Variants in CMYA5 observed in about 807,000 individuals in gnomAD.
The protein encoded by CMYA5 is cardiomyopathy associated 5, also known as cardiomyopathy-associated protein 5.
CMYA5 carries 246 observed loss-of-function variants against 318.9 expected under a neutral mutation model. The ratio of observed to expected loss-of-function variants is 0.77; its 90% CI spans 0.70 to 0.86. The LOEUF (loss-of-function observed/expected upper bound fraction) is 0.86, where lower values mean the gene tolerates loss of function less well. Among genes scored for constraint, CMYA5 ranks in the 40% least tolerant of loss-of-function variants. CMYA5 has a pLI of 0.00. For missense variants in CMYA5, 4,589 were observed against 4,678.2 expected, an observed-to-expected ratio of 0.98 and a Z score of 0.56; for synonymous variants, 1,641 against 1,729.5, an observed-to-expected ratio of 0.95 and a Z score of 1.27.
Position 79,745,390 on chromosome 5 carries a change from G to A in CMYA5, c.10903G>A (p.Ala3635Thr), listed in dbSNP as rs1348347054. The part of the protein sequence containing the change: ...MVHFLQSMDT[A>T]KDTLETIVRE... ...CCACTTTCTGCAGAGCATGGACACT[G>A]CCAAAGACACCCTGGAGACCATCGT... is the stretch of plus-strand genomic sequence containing the variant. The change falls in exon 4 of 13, where the codon GCC becomes ACC. Residue 3635 changes from alanine (A) to threonine (T), a missense_variant. By Grantham distance (58) the Ala-to-Thr change is moderately conservative. Transcript: ENST00000446378. The A allele has an allele frequency of 6.2e-7, 1 of 1,614,000 alleles. No homozygotes were observed. Among genetic ancestry groups the A allele is most frequent in the East Asian group, 2.2e-5 (1 of 44,876 alleles).
At chr5:79,720,691 C>T (rs1051276966) in intron 1 of CMYA5, among the ~76,000 whole-genome samples, 1 of 152,094 alleles carries the variant, frequency 6.6e-6, no homozygotes, top group Non-Finnish European at 1.5e-5. Context: ...TGGCCTCGGC[C>T]TCCCAAAGTG....
intron 12 of CMYA5, among the ~76,000 whole-genome samples, chr5:79,797,856 C>A (rs1210241384): frequency 2.6e-5 from 4 of 152,192 alleles, no homozygotes; most frequent in African/African-American, 7.2e-5. Context: ...ACCATCACTG[C>A]TGCTGCCCTT....
chr5:79,756,116 A>G (rs895941911), intron 6 of CMYA5, among the ~76,000 whole-genome samples: 10 of 127,062 alleles, frequency 7.9e-5, no homozygotes, highest in African/African-American at 2.8e-4. Flanking sequence ...ATGAAAATTT[A>G]CTGAACTACA....
chr5:79,734,903 A>G lies in CMYA5; in HGVS notation c.6138A>G (p.Arg2046=). 3.7e-6 allele frequency: 6 copies of G among 1,613,844 alleles called. No homozygotes were observed. Among genetic ancestry groups the G allele is most frequent in the Non-Finnish European group, 5.1e-6 (6 of 1,179,808 alleles). ...SQEKIKLPPE[R]FFQKPVSGLS... is the part of the protein sequence containing the mutation. Reference sequence around the variant, plus strand: ...AAAAAATTAAACTACCTCCTGAAAGATTCTTCCAGAAACCAGTGTCTGGCC... The same window carrying G: ...AAAAAATTAAACTACCTCCTGAAAGGTTCTTCCAGAAACCAGTGTCTGGCC... Residue 2046 remains arginine (R), a synonymous_variant, in exon 2 of 13, where the codon AGA becomes AGG. Coordinates refer to ENST00000446378, the MANE Select transcript of CMYA5 (RefSeq NM_153610.5).
rs1262416217 is a variant in CMYA5, at chr5:79,758,842, G to A, written c.11200G>A (p.Val3734Ile). Residue 3734 changes from valine to isoleucine, a missense_variant, in exon 7 of 13, where the codon GTC (valine) becomes ATC (isoleucine). Transcript: ENST00000446378. ...AVYWSMNKED[V>I]IDSFQVYCME... ...TTACTGGAGCATGAACAAGGAAGATGTCATTGATTCATTTCAGGTTTACTG... is the reference window on the plus strand; with the variant it reads ...TTACTGGAGCATGAACAAGGAAGATATCATTGATTCATTTCAGGTTTACTG... 2.5e-6 allele frequency: 4 copies of A among 1,606,258 alleles called. No individual in the cohort carries two copies. The highest frequency in any genetic ancestry group is 3.4e-6 in the Non-Finnish European group (4 of 1,176,456).
chr5:79,770,974 C>A (rs941377185), intron 9 of CMYA5, among the ~76,000 whole-genome samples: 1 of 147,138 alleles, frequency 6.8e-6, no homozygotes, highest in Non-Finnish European at 1.5e-5. Flanking sequence ...GTTCAAGAAA[C>A]AACATCTCTT....
chr5:79,763,104 G>T lies in CMYA5; in HGVS notation c.11450G>T (p.Cys3817Phe), dbSNP rs763885418. ...ATCCGCGCTGAGGACTGTACTGTGT[G>T]TTGGAACACAGCCACTATCCGATGG... ...PVIRAEDCTV[C>F]WNTATIRWRP... The change falls in exon 9 of 13, where the codon TGT (cysteine) becomes TTT (phenylalanine). Residue 3817 changes from cysteine to phenylalanine, a missense_variant. This residue lies in a region of CMYA5 where 2,431 missense variants were observed against 2,495.1 expected (regional missense o/e 0.97). Coordinates refer to ENST00000446378, the MANE Select transcript of CMYA5 (RefSeq NM_153610.5). 5.0e-6 allele frequency: 8 copies of T among 1,613,694 alleles called. 1 individual carries two copies. The African/African-American group carries it at 8.0e-5, about 16-fold the overall frequency.
At chr5:79,760,982 G>A (rs986113895) in intron 7 of CMYA5, among the ~76,000 whole-genome samples, 12 of 152,140 alleles carry the variant, frequency 7.9e-5, no homozygotes, top group Non-Finnish European at 1.8e-4. Flanking sequence ...GGGTTCTTAA[G>A]TGGAAAAGTT....
At chr5:79,743,965 A>G (rs1334127343) in intron 3 of CMYA5, 43 bp downstream of exon 3, 3 of 958,118 alleles carry the variant, frequency 3.1e-6, no homozygotes, top group Non-Finnish European at 4.7e-6. Context: ...GCTTGTTCAC[A>G]GTATCAGAAG....
intron 1 of CMYA5, among the ~76,000 whole-genome samples, chr5:79,722,786 T>G (rs1399708481): frequency 6.6e-6 from 1 of 151,950 alleles, no homozygotes. Flanking sequence ...GAGTAAAATT[T>G]TAGGTCTTGT....
intron 6 of CMYA5, among the ~76,000 whole-genome samples, chr5:79,755,301 TC>T (rs1828505677): frequency 6.6e-6 from 1 of 151,944 alleles, no homozygotes; most frequent in African/African-American, 2.4e-5. Context: ...TTTTTTTTTT[TC>T]CCCACACAGA....
At position 79,738,817 on chromosome 5, in the gene CMYA5, G is replaced by A. The variant is rs150128179; in HGVS notation, c.10052G>A (p.Arg3351His). 126 of 1,613,830 alleles carry A rather than the reference G, an allele frequency of 7.8e-5. No homozygotes were observed. Among genetic ancestry groups the A allele is most frequent in the African/African-American group, 4.7e-4 (35 of 75,036 alleles). Residue 3351 changes from arginine (R) to histidine (H), a missense_variant, in exon 2 of 13, where the codon CGT (arginine) becomes CAT (histidine). Physicochemically the swap from Arg to His is conservative, Grantham distance 29. Transcript: ENST00000446378. ...GAAGACACCCATCATGTTCTGGAGC[G>A]TGCAGATGAAGCAGGCAGTCACGGT... The part of the protein sequence containing the change: ...PFEDTHHVLE[R>H]ADEAGSHGNE...
intron 7 of CMYA5, among the ~76,000 whole-genome samples, chr5:79,761,243 A>G (rs1225145950): frequency 1.3e-5 from 2 of 152,234 alleles, no homozygotes; most frequent in Admixed American, 6.5e-5. Flanking sequence ...AGAGTAGCTT[A>G]TGACCTATCA....
rs1174687052 is a variant in CMYA5 at position 79,728,897 on chromosome 5, T to C, written c.150-18T>C. ...TTTTATTATGATAATATATAATTAA[T>C]ATTGTTATTTGCTATAGGTTATCAG... is the stretch of plus-strand genomic sequence containing the variant. On this transcript the variant is annotated intron_variant, in intron 1 of 12. Coordinates refer to ENST00000446378, the MANE Select transcript of CMYA5 (RefSeq NM_153610.5). 4 of 1,199,930 alleles carry C rather than the reference T, an allele frequency of 3.3e-6. No individual in the cohort carries two copies. The African/African-American group carries it at 6.4e-5, about 19-fold the overall frequency. The allele number at this position is 1,199,930 out of a possible 1,614,324, so 74.3% of individuals were successfully genotyped here.
In CMYA5 at chr5:79,738,268, C is replaced by G. The variant is rs1828128904; in HGVS notation, c.9503C>G (p.Thr3168Ser). The change falls in exon 2 of 13, where the codon ACC becomes AGC. Residue 3168 changes from threonine to serine, a missense_variant. This residue lies in a region of CMYA5 where 2,431 missense variants were observed against 2,495.1 expected (regional missense o/e 0.97). Coordinates refer to ENST00000446378, the MANE Select transcript of CMYA5 (RefSeq NM_153610.5). ...GCAGAGGAAGGAGTTCTATCACGAA[C>G]CCAGATATTTCCTACCACTATTAAA... ...FEAEEGVLSRTQIFPTTIKVI... is the reference protein window; with the variant it reads ...FEAEEGVLSRSQIFPTTIKVI... The G allele has an allele frequency of 6.2e-7, 1 of 1,613,360 alleles. No individual in the cohort carries two copies. Among genetic ancestry groups the G allele is most frequent in the Non-Finnish European group, 8.5e-7 (1 of 1,179,772 alleles).
At position 79,736,571 on chromosome 5, in the gene CMYA5, C is replaced by T. The variant is rs1386825846; in HGVS notation, c.7806C>T (p.Leu2602=). The change falls in exon 2 of 13, where the codon CTC becomes CTT. Residue 2602 remains leucine, a synonymous_variant. Coordinates refer to ENST00000446378, the MANE Select transcript of CMYA5 (RefSeq NM_153610.5). ...TTACTGAAAAATCAGAAGCCATGCT[C>T]GCAGAGGCTCACCCAGAAATCAGAG... ...TSVTEKSEAM[L]AEAHPEIREA... The T allele has an allele frequency of 5.6e-6, 9 of 1,613,678 alleles. No individual in the cohort carries two copies. The highest frequency in any genetic ancestry group is 2.2e-5 in the South Asian group (2 of 91,064).
At position 79,729,077 on chromosome 5, in the gene CMYA5, T is replaced by A; in HGVS notation, c.312T>A (p.Ser104=). 1 of 1,613,990 alleles carries A rather than the reference T, an allele frequency of 6.2e-7. No homozygotes were observed. Among genetic ancestry groups the A allele is most frequent in the Non-Finnish European group, 8.5e-7 (1 of 1,179,878 alleles). Reference sequence around the variant, plus strand: ...GGGCTTCAGAAGAAAGTCAGACTTCTGGTGTGTGTAGTCGGGAAGGGTCAA... The same window carrying A: ...GGGCTTCAGAAGAAAGTCAGACTTCAGGTGTGTGTAGTCGGGAAGGGTCAA... ...TPWASEESQT[S]GVCSREGSTV... The change falls in exon 2 of 13, where the codon TCT becomes TCA. Residue 104 remains serine (S), a synonymous_variant. Transcript: ENST00000446378.
rs1373310929 is a variant in CMYA5 at position 79,745,458 on chromosome 5, AAGTGCC to A, written c.10968+5_10968+10del. ...TTGATGAGGCCGTCTTCCTGACTGT[AAGTGCC>A]AAGTAAAATGGGCTCAAACACCTTG... On this transcript the variant is annotated splice_donor_5th_base_variant and intron_variant, in intron 4 of 12. Transcript: ENST00000446378. 1.9e-6 allele frequency: 3 copies of A among 1,608,876 alleles called. No individual in the cohort carries two copies. The highest frequency in any genetic ancestry group is 2.6e-6 in the Non-Finnish European group (3 of 1,175,360).
rs1245548696 is a variant in CMYA5 at position 79,731,685 on chromosome 5, T to A, written c.2920T>A (p.Ser974Thr). The change falls in exon 2 of 13, where the codon TCT (serine) becomes ACT (threonine). Residue 974 changes from serine (S) to threonine (T), a missense_variant. Physicochemically the swap from Ser to Thr is moderately conservative, Grantham distance 58. Around this residue, in one of 3 missense-constraint regions of CMYA5, gnomAD observed 2,132 missense variants for 2,131.3 expected, o/e 1.00. Coordinates refer to ENST00000446378, the MANE Select transcript of CMYA5 (RefSeq NM_153610.5). ...EAEKREFECD[S>T]PICLTSPSEH... is the part of the protein sequence containing the mutation. ...AGAGAAAAGAGAATTTGAGTGCGAT[T>A]CTCCAATATGTTTAACATCACCATC... is the stretch of plus-strand genomic sequence containing the variant. The A allele has an allele frequency of 6.2e-7, 1 of 1,613,828 alleles. No individual in the cohort carries two copies. Among genetic ancestry groups the A allele is most frequent in the Non-Finnish European group, 8.5e-7 (1 of 1,179,890 alleles).
Sources: gnomAD v4.1 joint callset for allele counts (sites outside exome capture counted in the v4.1 genomes callset) on GRCh38, gnomAD v4.1.1 for gene constraint, gnomAD v4.1.1 regional missense constraint, MANE v1.5 for transcripts, NCBI Gene and HGNC (gene_info 2026-07-23, HGNC 2026-07-21) for gene names.